Variants in COMMD1 observed in about 807,000 individuals in gnomAD.
The protein encoded by COMMD1 is copper metabolism domain containing 1.
A neutral mutation model predicts 17.2 loss-of-function variants in COMMD1; 10 were observed. That is an observed-to-expected ratio of 0.58 (90% CI 0.36 to 0.99). The LOEUF is 0.99. COMMD1 is among the 50% of genes least tolerant of loss of function. The pLI is 0.01. For synonymous variants in COMMD1, 97 were observed against 91.6 expected (o/e 1.06, Z -0.34); for missense variants, 270 against 231.8 (o/e 1.17, Z -1.07).
chr2:61,932,029 C>T (rs1282979234), intron 1 of COMMD1, among the ~76,000 whole-genome samples: 1 of 152,196 alleles, frequency 6.6e-6, no homozygotes, highest in East Asian at 1.9e-4. Context: ...GGGTCTTGCT[C>T]TCTCACCAAG....
At chr2:62,023,727 C>T (rs750187270) in intron 2 of COMMD1, among the ~76,000 whole-genome samples, 17 of 152,104 alleles carry the variant, frequency 1.1e-4, no homozygotes, top group South Asian at 2.1e-4. Context: ...TTGGGTGTTC[C>T]GCCCGCCTTG....
chr2:62,127,341 AC>A (rs1672911803), intron 2 of COMMD1, among the ~76,000 whole-genome samples: 1 of 152,240 alleles, frequency 6.6e-6, no homozygotes, highest in African/African-American at 2.4e-5. Flanking sequence ...CTGTTAAACT[AC>A]TATTGACATT....
At chr2:61,957,686 G>A (rs1054439211) in intron 1 of COMMD1, among the ~76,000 whole-genome samples, 1 of 152,122 alleles carries the variant, frequency 6.6e-6, no homozygotes, top group Admixed American at 6.6e-5. Flanking sequence ...CATGCCACCC[G>A]CTGGTGTTTT....
intron 1 of COMMD1, among the ~76,000 whole-genome samples, chr2:61,893,316 C>T (rs1669479025): frequency 1.3e-5 from 2 of 151,550 alleles, no homozygotes; most frequent in South Asian, 2.1e-4. Flanking sequence ...AAATATTTGT[C>T]TGAAAATGGG....
chr2:62,052,143 A>G (rs557652176), intron 2 of COMMD1, among the ~76,000 whole-genome samples: 1 of 152,242 alleles, frequency 6.6e-6, no homozygotes, highest in Non-Finnish European at 1.5e-5. Context: ...AGCCAAATTA[A>G]CACAGGCTTT....
chr2:62,135,451 C>T (rs570139015), intron 2 of COMMD1, among the ~76,000 whole-genome samples: 58 of 151,796 alleles, frequency 3.8e-4, no homozygotes, highest in Admixed American at 5.3e-4. Context: ...TTCGGGTTCA[C>T]GCCATTCTCC....
At chr2:62,122,693 A>G (rs773250620) in intron 2 of COMMD1, among the ~76,000 whole-genome samples, 1 of 152,256 alleles carries the variant, frequency 6.6e-6, no homozygotes, top group South Asian at 2.1e-4. Flanking sequence ...GCCAAAATAC[A>G]TGTTCCTTTT....
At chr2:62,083,373 G>T (rs1558591497) in intron 2 of COMMD1, among the ~76,000 whole-genome samples, 1 of 152,202 alleles carries the variant, frequency 6.6e-6, no homozygotes, top group Non-Finnish European at 1.5e-5. Context: ...AGCAGCCACA[G>T]ATTACGTGAA....
chr2:61,956,434 G>C (rs926295258), intron 1 of COMMD1, among the ~76,000 whole-genome samples: 1 of 151,598 alleles, frequency 6.6e-6, no homozygotes, highest in African/African-American at 2.4e-5. Context: ...TTTGGAGATG[G>C]AGTCTCGCTC....
At chr2:62,106,664 A>G (rs1358422718) in intron 2 of COMMD1, among the ~76,000 whole-genome samples, 3 of 152,234 alleles carry the variant, frequency 2.0e-5, no homozygotes, top group African/African-American at 4.8e-5. Context: ...TTTTCAACGT[A>G]TAGACGTAGG....
At chr2:62,063,868 A>AATATATATATATATATATATATAT (rs55740628) in intron 2 of COMMD1, among the ~76,000 whole-genome samples, 1,066 of 80,886 alleles carry the variant, frequency 0.013, 41 homozygotes, top group Non-Finnish European at 0.015. Flanking sequence ...GTCTCTACAA[A>AATATATATATATATATATATATAT]ATATATATAT....
chr2:62,007,732 T>C (rs1012620175), intron 2 of COMMD1, among the ~76,000 whole-genome samples: 3 of 152,208 alleles, frequency 2.0e-5, no homozygotes. Context: ...TAGGTTTGTG[T>C]AAGTACACTC....
chr2:62,096,005 A>T (rs1350824672), intron 2 of COMMD1, among the ~76,000 whole-genome samples: 2 of 151,190 alleles, frequency 1.3e-5, no homozygotes, highest in Non-Finnish European at 2.9e-5. Context: ...TATGTATATT[A>T]TACATGCACA....
At chr2:62,051,536 A>AT (rs1553383968) in intron 2 of COMMD1, among the ~76,000 whole-genome samples, 1 of 152,084 alleles carries the variant, frequency 6.6e-6, no homozygotes, top group Non-Finnish European at 1.5e-5. Context: ...TTCTGATACT[A>AT]CTCTTTCAAG....
intron 1 of COMMD1, among the ~76,000 whole-genome samples, chr2:61,890,407 C>T (rs1172942271): frequency 1.3e-5 from 2 of 152,036 alleles, no homozygotes; most frequent in East Asian, 1.9e-4. Context: ...TTAGTAGAGA[C>T]GGGGTTTCTC....
intron 1 of COMMD1, among the ~76,000 whole-genome samples, chr2:61,966,463 A>G (rs1671508636): frequency 6.6e-6 from 1 of 152,140 alleles, no homozygotes; most frequent in African/African-American, 2.4e-5. Context: ...CAATTGAAAC[A>G]CTAGTTGGTT....
At chr2:61,901,297 T>G (rs146964724), upstream of COMMD1, among the ~76,000 whole-genome samples, 1 of 152,204 alleles carries the variant, frequency 6.6e-6, no homozygotes, top group East Asian at 1.9e-4. Context: ...CTCTGCAATG[T>G]AGAATACACA....
At chr2:62,068,038 G>A (rs924378746) in intron 2 of COMMD1, among the ~76,000 whole-genome samples, 1 of 152,278 alleles carries the variant, frequency 6.6e-6, no homozygotes, top group South Asian at 2.1e-4. Context: ...ACTGATCACA[G>A]TGTAGCCACC....
chr2:62,010,553 A>G (rs1573065928), intron 2 of COMMD1, among the ~76,000 whole-genome samples: 1 of 152,270 alleles, frequency 6.6e-6, no homozygotes, highest in East Asian at 1.9e-4. Context: ...CCTGACTTAA[A>G]TGTGTAAAAG....
Sources: gnomAD v4.1 joint callset for allele counts (sites outside exome capture counted in the v4.1 genomes callset) on GRCh38, gnomAD v4.1.1 for gene constraint, MANE v1.5 for transcripts, NCBI Gene and HGNC (gene_info 2026-07-23, HGNC 2026-07-21) for gene names.